Variants in CA12 observed in about 807,000 individuals in gnomAD.
CA12 encodes the protein carbonic anhydrase 12, also known as carbonate dehydratase XII.
In CA12, 36 loss-of-function variants were observed where a neutral mutation model predicts 46.8. The ratio of observed to expected loss-of-function variants is 0.77; its 90% CI spans 0.59 to 1.02. The LOEUF (loss-of-function observed/expected upper bound fraction) is 1.02. CA12 is among the 50% of genes least tolerant of loss of function. CA12 has a pLI of 0.00. For missense variants in CA12, 436 were observed against 451.4 expected (o/e 0.97, Z 0.31); for synonymous variants, 202 against 187.0 (o/e 1.08, Z -0.65).
At chr15:63,337,835 C>G (rs2039022924) in intron 8 of CA12, among the ~76,000 whole-genome samples, 1 of 152,164 alleles carries the variant, frequency 6.6e-6, no homozygotes, top group Non-Finnish European at 1.5e-5. Flanking sequence ...CCTTGGCCTC[C>G]CAAAGTGCTG....
chr15:63,330,298 A>G lies in CA12; in HGVS notation c.875-2168T>C, dbSNP rs1016204992. Among the ~76,000 whole-genome samples, 1 of 152,206 alleles carries G rather than the reference A, an allele frequency of 6.6e-6. No individual in the cohort carries two copies. The highest frequency in any genetic ancestry group is 1.5e-5 in the Non-Finnish European group (1 of 68,024). ...CCTCTGCACAGTGGAACTTGGTATTAGGGTTGGTTGTTTCTTTTTTAAATG... is the reference window on the plus strand; with the variant it reads ...CCTCTGCACAGTGGAACTTGGTATTGGGGTTGGTTGTTTCTTTTTTAAATG... On this transcript the variant is annotated intron_variant, in intron 8 of 10. Transcript: ENST00000178638. This position sits in a 1 kb window ranked among gnomAD's most constrained non-coding sequence, Gnocchi z 4.0.
chr15:63,347,019 C>T (rs1192507272), intron 2 of CA12, among the ~76,000 whole-genome samples: 1 of 152,224 alleles, frequency 6.6e-6, no homozygotes, highest in African/African-American at 2.4e-5. Flanking sequence ...TGACTTTCAG[C>T]AATTCAGCAT....
At position 63,381,782 on chromosome 15, in the gene CA12, C is replaced by G. The variant is rs2152629736; in HGVS notation, c.-62G>C. Reference sequence around the variant, plus strand: ...CGGGGGCTCCCGGTGGCCGCTCGCTCTCCAGCTGCACACCGGGACCGCGTG... The same window carrying G: ...CGGGGGCTCCCGGTGGCCGCTCGCTGTCCAGCTGCACACCGGGACCGCGTG... On this transcript the variant is annotated 5_prime_UTR_variant, in exon 1 of 11. Transcript: ENST00000178638. 2 of 1,201,154 alleles carry G rather than the reference C, an allele frequency of 1.7e-6. No homozygotes were observed. Among genetic ancestry groups the G allele is most frequent in the African/African-American group, 1.6e-5 (1 of 62,082 alleles). 74.4% of individuals were successfully genotyped at this position (1,201,154 alleles called of 1,614,324 possible).
chr15:63,373,707 T>C lies in CA12; in HGVS notation c.106+1951A>G, dbSNP rs917574124. On this transcript the variant is annotated intron_variant, in intron 2 of 10. Transcript: ENST00000178638. This position sits in a 1 kb window ranked among gnomAD's most constrained non-coding sequence, Gnocchi z 4.9. The stretch of plus-strand genomic sequence containing the variant: ...CATTTTGGGGAAGTATTCCAGGTGA[T>C]CCTGATGTGGGTGATCCCAAGCCGT... 3.9e-5 allele frequency among the ~76,000 whole-genome samples: 6 copies of C among 152,154 alleles called. No homozygotes were observed. The highest frequency in any genetic ancestry group is 6.5e-5 in the Admixed American group (1 of 15,282).
At position 63,322,064 on chromosome 15, in the gene CA12, T is replaced by C. The variant is rs935825454; in HGVS notation, c.*4221A>G. 2 of 152,236 alleles carry C rather than the reference T, an allele frequency of 1.3e-5. No individual in the cohort carries two copies. Among genetic ancestry groups the C allele is most frequent in the Non-Finnish European group, 2.9e-5 (2 of 68,050 alleles). 9.4% of individuals were successfully genotyped at this position (152,236 alleles called of 1,614,324 possible). On this transcript the variant is annotated 3_prime_UTR_variant, in exon 11 of 11. Transcript: ENST00000178638. The surrounding 1 kb of genome is among the most constrained non-coding windows in gnomAD (Gnocchi z 4.1). ...GGGCATGGATCTTGAGCGCTTGGAA[T>C]GTGACTTAACTGAGAAACGCTACTT...
intron 2 of CA12, among the ~76,000 whole-genome samples, chr15:63,366,344 C>G (rs2152624826): frequency 6.6e-6 from 1 of 152,254 alleles, no homozygotes; most frequent in East Asian, 1.9e-4. Context: ...CATCCCCTGC[C>G]CTTTGCCTGG....
At chr15:63,369,830 C>G (rs971900764) in intron 2 of CA12, among the ~76,000 whole-genome samples, 1 of 152,196 alleles carries the variant, frequency 6.6e-6, no homozygotes. Context: ...GCCTCATCCT[C>G]TGTTCCACTA....
At position 63,341,926 on chromosome 15, in the gene CA12, G is replaced by T; in HGVS notation, c.525+76C>A. On this transcript the variant is annotated intron_variant, in intron 5 of 10. Coordinates refer to ENST00000178638, the MANE Select transcript of CA12 (RefSeq NM_001218.5). The surrounding 1 kb of genome is among the most constrained non-coding windows in gnomAD (Gnocchi z 5.2). The stretch of plus-strand genomic sequence containing the variant: ...GGAACAGCTGATTATCAACAGGTAT[G>T]CATGGAACAAAAGGTGGAATCCCAA... The T allele has an allele frequency of 3.1e-6, 3 of 973,718 alleles. No homozygotes were observed. The highest frequency in any genetic ancestry group is 4.9e-6 in the Non-Finnish European group (3 of 608,200). 60.3% of individuals were successfully genotyped at this position (973,718 alleles called of 1,614,324 possible).
chr15:63,325,933 C>T lies in CA12; in HGVS notation c.*352G>A, dbSNP rs997328419. The stretch of plus-strand genomic sequence containing the variant: ...AGAATTTCCAGGACACTTGAAAGCA[C>T]GCTCTGGCAAAGCCCCGGATGAAAG... On this transcript the variant is annotated 3_prime_UTR_variant, in exon 11 of 11. Transcript: ENST00000178638. This position sits in a 1 kb window ranked among gnomAD's most constrained non-coding sequence, Gnocchi z 4.9. The T allele has an allele frequency of 1.8e-4, 54 of 301,300 alleles. No homozygotes were observed. Among genetic ancestry groups the T allele is most frequent in the African/African-American group, 7.4e-4 (35 of 47,022 alleles). The allele number at this position is 301,300 out of a possible 1,614,324, so 18.7% of individuals were successfully genotyped here.
chr15:63,345,372 G>T lies in CA12; in HGVS notation c.429+105C>A. On this transcript the variant is annotated intron_variant, in intron 4 of 10. Coordinates refer to ENST00000178638, the MANE Select transcript of CA12 (RefSeq NM_001218.5). This position sits in a 1 kb window ranked among gnomAD's most constrained non-coding sequence, Gnocchi z 4.3. ...CAGAGGTGGGGCAGAGAGCCTGAAGGCAGCCTGTCCCATGCTCTGGTGTTA... is the reference window on the plus strand; with the variant it reads ...CAGAGGTGGGGCAGAGAGCCTGAAGTCAGCCTGTCCCATGCTCTGGTGTTA... 1 of 1,458,866 alleles carries T rather than the reference G, an allele frequency of 6.9e-7. No individual in the cohort carries two copies. The highest frequency in any genetic ancestry group is 9.4e-7 in the Non-Finnish European group (1 of 1,067,888). The allele number at this position is 1,458,866 out of a possible 1,614,324, so 90.4% of individuals were successfully genotyped here.
rs1228618943 is a variant in CA12, at chr15:63,331,326, C to G, written c.875-3196G>C. Among the ~76,000 whole-genome samples, 1 of 152,182 alleles carries G rather than the reference C, an allele frequency of 6.6e-6. No individual in the cohort carries two copies. Among genetic ancestry groups the G allele is most frequent in the Admixed American group, 6.5e-5 (1 of 15,282 alleles). ...CCTCGGCTGGGTGAGAGCGAAGCCT[C>G]TAGGCACTGTAGAGAACAGGCATCA... On this transcript the variant is annotated intron_variant, in intron 8 of 10. Transcript: ENST00000178638. This position sits in a 1 kb window ranked among gnomAD's most constrained non-coding sequence, Gnocchi z 5.3.
At position 63,359,912 on chromosome 15, in the gene CA12, T is replaced by A. The variant is rs537205863; in HGVS notation, c.107-13203A>T. On this transcript the variant is annotated intron_variant, in intron 2 of 10. Transcript: ENST00000178638. ...ACAGTGCACACCAGATCCAGACAGT[T>A]CTCTGCTGAAAGTTCTTCAGTGGCT... 1.1e-3 allele frequency among the ~76,000 whole-genome samples: 165 copies of A among 152,234 alleles called. 4 individuals are homozygous for A. Among genetic ancestry groups the A allele is most frequent in the Non-Finnish European group, 8.8e-4 (60 of 68,010 alleles).
In CA12 at chr15:63,355,107, A is replaced by G. The variant is rs2039278518; in HGVS notation, c.107-8398T>C. Among the ~76,000 whole-genome samples the G allele has an allele frequency of 6.6e-6, 1 of 152,050 alleles. No homozygotes were observed. The highest frequency in any genetic ancestry group is 1.5e-5 in the Non-Finnish European group (1 of 68,008). Reference sequence around the variant, plus strand: ...TTCTCATGACCTGTGACCTTAGAGTATGTTCATCGTGGAGAGGCTCTGCCC... The same window carrying G: ...TTCTCATGACCTGTGACCTTAGAGTGTGTTCATCGTGGAGAGGCTCTGCCC... On this transcript the variant is annotated intron_variant, in intron 2 of 10. Coordinates refer to ENST00000178638, the MANE Select transcript of CA12 (RefSeq NM_001218.5). This position sits in a 1 kb window ranked among gnomAD's most constrained non-coding sequence, Gnocchi z 4.1.
chr15:63,381,581 C>T, intron 1 of CA12, 55 bp downstream of exon 1: 1 of 1,446,680 alleles, frequency 6.9e-7, no homozygotes, highest in Non-Finnish European at 9.6e-7. Flanking sequence ...AGCCTTCAGC[C>T]CAGGGGCGGC....
At chr15:63,358,773 G>A (rs1006810003) in intron 2 of CA12, among the ~76,000 whole-genome samples, 4 of 151,990 alleles carry the variant, frequency 2.6e-5, no homozygotes, top group Non-Finnish European at 5.9e-5. Context: ...TTGTCTCCTC[G>A]GCCGAGCATC....
chr15:63,368,609 C>A (rs1355341351), intron 2 of CA12, among the ~76,000 whole-genome samples: 2 of 152,192 alleles, frequency 1.3e-5, no homozygotes, highest in Non-Finnish European at 2.9e-5. Flanking sequence ...GGATGCGTTG[C>A]CAAAAGCTCT....
Position 63,378,016 on chromosome 15 carries a change from A to G in CA12, c.86-2338T>C, listed in dbSNP as rs1193628455. On this transcript the variant is annotated intron_variant, in intron 1 of 10. Transcript: ENST00000178638. The surrounding 1 kb of genome is among the most constrained non-coding windows in gnomAD (Gnocchi z 4.8). ...CTTAGGGAATCTTCAAGTCTCCTCAATCTTTGGAGTAGTTAAGTGGAGGAG... is the reference window on the plus strand; with the variant it reads ...CTTAGGGAATCTTCAAGTCTCCTCAGTCTTTGGAGTAGTTAAGTGGAGGAG... Among the ~76,000 whole-genome samples, 1 of 152,172 alleles carries G rather than the reference A, an allele frequency of 6.6e-6. No individual in the cohort carries two copies. Among genetic ancestry groups the G allele is most frequent in the Non-Finnish European group, 1.5e-5 (1 of 68,032 alleles).
chr15:63,352,816 C>T (rs2039250706), intron 2 of CA12, among the ~76,000 whole-genome samples: 1 of 152,014 alleles, frequency 6.6e-6, no homozygotes, highest in African/African-American at 2.4e-5. Context: ...GGAGGTCTGA[C>T]CATAATGAAA....
chr15:63,338,878 T>C lies in CA12; in HGVS notation c.815A>G (p.Asn272Ser), dbSNP rs2039038846. The change falls in exon 8 of 11, where the codon AAC becomes AGC. Residue 272 changes from asparagine to serine, a missense_variant. Transcript: ENST00000178638. ...GAACTTCTGGACCTGCCGGAAGTTGTTGATCATTTCTCTGGGGGAAGGGTC... is the reference window on the plus strand; with the variant it reads ...GAACTTCTGGACCTGCCGGAAGTTGCTGATCATTTCTCTGGGGGAAGGGTC... The part of the protein sequence containing the change: ...MDDPSPREMI[N>S]NFRQVQKFDE... 2 of 1,614,068 alleles carry C rather than the reference T, an allele frequency of 1.2e-6. No individual in the cohort carries two copies. The highest frequency in any genetic ancestry group is 1.7e-6 in the Non-Finnish European group (2 of 1,180,028).
Sources: gnomAD v4.1 joint callset for allele counts (sites outside exome capture counted in the v4.1 genomes callset) on GRCh38, gnomAD v4.1.1 for gene constraint, Gnocchi (gnomAD v3.1) non-coding constraint, MANE v1.5 for transcripts, NCBI Gene and HGNC (gene_info 2026-07-23, HGNC 2026-07-21) for gene names.